The following CACNG6 variants were observed in gnomAD, a reference collection of about 807,000 sequenced individuals.
CACNG6 encodes voltage-dependent calcium channel gamma-6 subunit.
CACNG6 carries 21 observed loss-of-function variants against 23.9 expected under a neutral mutation model. The ratio of observed to expected loss-of-function variants is 0.88; its 90% CI spans 0.62 to 1.26. The LOEUF (loss-of-function observed/expected upper bound fraction) is 1.26, where lower values mean the gene tolerates loss of function less well. Ranked by LOEUF, CACNG6 falls within the 50% of genes most tolerant of loss-of-function variation. The probability of loss-of-function intolerance (pLI) is 0.00; values close to 1 mark genes in which losing one functional copy is unlikely to be tolerated. For missense variants in CACNG6, 340 were observed against 352.9 expected, an observed-to-expected ratio of 0.96 and a Z score of 0.29; for synonymous variants, 182 against 168.9, an observed-to-expected ratio of 1.08 and a Z score of -0.60.
chr19:53,994,871 C>T (rs1177875542), intron 1 of CACNG6, among the ~76,000 whole-genome samples: 1 of 152,184 alleles, frequency 6.6e-6, no homozygotes, highest in African/African-American at 2.4e-5. Flanking sequence ...CTGTCTCTGG[C>T]CCCTCAGGGG....
intron 3 of CACNG6, among the ~76,000 whole-genome samples, chr19:54,004,338 TGTGTGTGTGTGTGTGTGTGTG>T (rs2069614270): frequency 1.9e-4 from 4 of 20,720 alleles, no homozygotes; most frequent in African/African-American, 4.4e-4. Context: ...TGTATTTTTG[TGTGTGTGTGTGTGTGTGTGTG>T]TGTGTGTGTG....
intron 1 of CACNG6, among the ~76,000 whole-genome samples, chr19:53,996,621 G>A (rs2069523851): frequency 6.6e-6 from 1 of 152,098 alleles, no homozygotes; most frequent in South Asian, 2.1e-4. Context: ...TCGAACTCCT[G>A]ACCCCAAGTG....
At position 53,992,804 on chromosome 19, in the gene CACNG6, G is replaced by C. The variant is rs551863710; in HGVS notation, c.-74G>C. ...CTCACCCCCTTCAAGACCCCAGGCC[G>C]CTCCTCGCTCCCGCCCCTCGAGGCC... On this transcript the variant is annotated 5_prime_UTR_variant, in exon 1 of 4. Transcript: ENST00000252729. This position sits in a 1 kb window ranked among gnomAD's most constrained non-coding sequence, Gnocchi z 4.1. The C allele has an allele frequency of 9.3e-4, 994 of 1,064,470 alleles. 9 individuals are homozygous for C. Among genetic ancestry groups the C allele is most frequent in the East Asian group, 4.1e-3 (137 of 33,790 alleles). The allele number at this position is 1,064,470 out of a possible 1,614,324, so 65.9% of individuals were successfully genotyped here.
At chr19:54,002,275 G>GTTTTTTTTTTTTTTTTTTT (rs1174799698) in intron 3 of CACNG6, among the ~76,000 whole-genome samples, 5 of 116,426 alleles carry the variant, frequency 4.3e-5, no homozygotes, top group African/African-American at 9.3e-5. Context: ...CGGTTTTTTT[G>GTTTTTTTTTTTTTTTTTTT]TTTTTTTTGT....
chr19:53,999,509 C>A, intron 2 of CACNG6, 125 bp from the exon 3 acceptor site: 1 of 1,086,750 alleles, frequency 9.2e-7, no homozygotes, highest in Admixed American at 2.2e-5. Flanking sequence ...CTGGATGATA[C>A]TCTACTTGAA....
At chr19:54,009,828 AG>A (rs1221287925) in intron 3 of CACNG6, among the ~76,000 whole-genome samples, 2 of 149,780 alleles carry the variant, frequency 1.3e-5, no homozygotes, top group African/African-American at 4.9e-5. Context: ...CGGGAGGCTG[AG>A]GCGGGAGAAT....
chr19:54,009,050 A>C (rs2069676353), intron 3 of CACNG6, among the ~76,000 whole-genome samples: 1 of 152,222 alleles, frequency 6.6e-6, no homozygotes. Flanking sequence ...GCACTATGGG[A>C]GGCCAAGGTG....
At chr19:54,003,676 C>A (rs2069604039) in intron 3 of CACNG6, among the ~76,000 whole-genome samples, 1 of 151,972 alleles carries the variant, frequency 6.6e-6, no homozygotes, top group Admixed American at 6.6e-5. Context: ...CCAGCAAATT[C>A]TATTGGCACT....
rs1568816113 is a variant in CACNG6, at chr19:54,004,336, TGTGTG to T, written c.544+4566_544+4570del. Among the ~76,000 whole-genome samples, 162 of 29,738 alleles carry T rather than the reference TGTGTG, an allele frequency of 5.4e-3. 1 individual carries two copies. The highest frequency in any genetic ancestry group is 8.3e-3 in the African/African-American group (155 of 18,758). The allele number at this position is 29,738 out of a possible 152,430, so 19.5% of individuals were successfully genotyped here. Reference sequence around the variant, plus strand: ...CCACGCCTGGTTAATTTTGTATTTTTGTGTGTGTGTGTGTGTGTGTGTGTGTGTGT... The same window carrying T: ...CCACGCCTGGTTAATTTTGTATTTTTTGTGTGTGTGTGTGTGTGTGTGTGT... On this transcript the variant is annotated intron_variant, in intron 3 of 3. Transcript: ENST00000252729.
At chr19:53,993,614 C>T (rs938282652) in intron 1 of CACNG6, among the ~76,000 whole-genome samples, 5 of 151,674 alleles carry the variant, frequency 3.3e-5, no homozygotes, top group Admixed American at 2.0e-4. Flanking sequence ...CTTGTGCCCC[C>T]GCCTACAGCC....
chr19:54,004,229 C>T (rs1453257525), intron 3 of CACNG6, among the ~76,000 whole-genome samples: 4 of 151,904 alleles, frequency 2.6e-5, no homozygotes, highest in Non-Finnish European at 5.9e-5. Context: ...GGCACGATCT[C>T]GACTCACTGA....
intron 3 of CACNG6, among the ~76,000 whole-genome samples, chr19:54,010,955 A>T (rs1266082132): frequency 6.6e-6 from 1 of 151,850 alleles, no homozygotes; most frequent in East Asian, 1.9e-4. Context: ...TGATGCATGT[A>T]AACAATGCAT....
At chr19:53,999,811 T>C (rs200877724) in intron 3 of CACNG6, 40 bp downstream of exon 3, 2 of 1,606,152 alleles carry the variant, frequency 1.2e-6, no homozygotes, top group Non-Finnish European at 1.7e-6. Context: ...CATTGCATGC[T>C]GGGAGGATCT....
At chr19:53,995,255 A>C (rs1403866825) in intron 1 of CACNG6, among the ~76,000 whole-genome samples, 4 of 152,082 alleles carry the variant, frequency 2.6e-5, no homozygotes, top group Admixed American at 2.6e-4. Context: ...GGTTCCTTGC[A>C]TCCCTTGCTG....
Position 54,011,999 on chromosome 19 carries a change from C to T in CACNG6, c.593C>T (p.Ala198Val), listed in dbSNP as rs769376031. 11 of 1,596,896 alleles carry T rather than the reference C, an allele frequency of 6.9e-6. No individual in the cohort carries two copies. Among genetic ancestry groups the T allele is most frequent in the Admixed American group, 5.2e-5 (3 of 57,708 alleles). ...SLEVFRHSVRALLQRVSPEPP... is the reference protein window; with the variant it reads ...SLEVFRHSVRVLLQRVSPEPP... ...GAGGTGTTCCGGCATTCCGTGAGGGCCCTGCTGCAGAGAGTCAGCCCGGAG... is the reference window on the plus strand; with the variant it reads ...GAGGTGTTCCGGCATTCCGTGAGGGTCCTGCTGCAGAGAGTCAGCCCGGAG... Residue 198 changes from alanine to valine, a missense_variant, in exon 4 of 4, where the codon GCC becomes GTC. By Grantham distance (64) the Ala-to-Val change is moderately conservative. Coordinates refer to ENST00000252729, the MANE Select transcript of CACNG6 (RefSeq NM_145814.2).
At chr19:54,009,728 G>A (rs450227) in intron 3 of CACNG6, among the ~76,000 whole-genome samples, 16,108 of 151,248 alleles carry the variant, frequency 0.11, 1,809 homozygotes, top group African/African-American at 0.28. Context: ...TAAGCTCCAC[G>A]AGGGTAGGGT....
rs111762316 is a variant in CACNG6, at chr19:53,998,284, C to A, written c.377C>A (p.Ala126Glu). ...AAATTCTTCACCACGGGGGAGAATGCACGCATCTTTCAGAGAACCACAAAG... is the reference window on the plus strand; with the variant it reads ...AAATTCTTCACCACGGGGGAGAATGAACGCATCTTTCAGAGAACCACAAAG... ...YFKFFTTGENARIFQRTTKKE... is the reference protein window; with the variant it reads ...YFKFFTTGENERIFQRTTKKE... The change falls in exon 2 of 4, where the codon GCA (alanine) becomes GAA (glutamate). Residue 126 changes from alanine to glutamate, a missense_variant. By Grantham distance (107) the Ala-to-Glu change is moderately radical (BLOSUM62 -1). Coordinates refer to ENST00000252729, the MANE Select transcript of CACNG6 (RefSeq NM_145814.2). 22 of 1,614,018 alleles carry A rather than the reference C, an allele frequency of 1.4e-5. No individual in the cohort carries two copies. Among genetic ancestry groups the A allele is most frequent in the African/African-American group, 1.3e-4 (10 of 75,008 alleles).
chr19:53,998,962 T>A (rs2069548988), intron 2 of CACNG6, among the ~76,000 whole-genome samples: 3 of 152,160 alleles, frequency 2.0e-5, no homozygotes, highest in Non-Finnish European at 4.4e-5. Context: ...ATCTGTAAGA[T>A]CTCCAGTCCT....
chr19:54,007,876 G>A (rs1234631456), intron 3 of CACNG6, among the ~76,000 whole-genome samples: 1 of 151,816 alleles, frequency 6.6e-6, no homozygotes, highest in Non-Finnish European at 1.5e-5. Context: ...CTCCAGCCTG[G>A]GTGGCTGAGA....
Sources: allele counts gnomAD v4.1 joint callset (sites outside exome capture counted in the v4.1 genomes callset), GRCh38; gene constraint gnomAD v4.1.1; non-coding constraint Gnocchi (gnomAD v3.1); transcripts MANE v1.5; gene names NCBI Gene and HGNC (gene_info 2026-07-23, HGNC 2026-07-21).